Variants in SPINK5 observed in about 807,000 individuals in gnomAD.
SPINK5 encodes serine protease inhibitor Kazal-type 5.
In SPINK5, 125 loss-of-function variants were observed where a neutral mutation model predicts 151.8. That is an observed-to-expected ratio of 0.82 (90% CI 0.71 to 0.96). The LOEUF (loss-of-function observed/expected upper bound fraction) is 0.96. SPINK5 is among the 40% of genes least tolerant of loss of function. The pLI, the probability that SPINK5 is intolerant of heterozygous loss-of-function variation, is 0.00. For missense variants in SPINK5, 1,194 were observed against 1,291.9 expected, an observed-to-expected ratio of 0.92 and a Z score of 1.16; for synonymous variants, 374 against 395.3, an observed-to-expected ratio of 0.95 and a Z score of 0.64.
Position 148,101,828 on chromosome 5 carries a change from T to C in SPINK5, c.1350T>C (p.Phe450=), listed in dbSNP as rs1753653759. The change falls in exon 15 of 33, where the codon TTT becomes TTC. Residue 450 remains phenylalanine (F), a synonymous_variant. Coordinates refer to ENST00000256084, the MANE Select transcript of SPINK5 (RefSeq NM_006846.4). ...AATCCAGGAAAAACGGACGGCTTTT[T>C]TGCACCAGAGAGAATGACCCCATCC... ...YRKSRKNGRL[F]CTRENDPIQG... 2 of 1,613,830 alleles carry C rather than the reference T, an allele frequency of 1.2e-6. No homozygotes were observed. Among genetic ancestry groups the C allele is most frequent in the Non-Finnish European group, 1.7e-6 (2 of 1,179,800 alleles).
At chr5:148,091,769 T>TAA (rs10680228) in intron 8 of SPINK5, among the ~76,000 whole-genome samples, 1,996 of 146,092 alleles carry the variant, frequency 0.014, 41 homozygotes, top group African/African-American at 0.044. Flanking sequence ...GATTCTGCTT[T>TAA]AAAAAAAAAA....
chr5:148,125,567 T>G, intron 28 of SPINK5, 156 bp from the exon 29 acceptor site: 1 of 1,613,954 alleles, frequency 6.2e-7, no homozygotes, highest in Non-Finnish European at 8.5e-7. Flanking sequence ...GATGCAAAAT[T>G]TAGACAACCT....
chr5:148,069,920 A>G (rs1260945240), intron 2 of SPINK5, among the ~76,000 whole-genome samples: 1 of 152,088 alleles, frequency 6.6e-6, no homozygotes, highest in Non-Finnish European at 1.5e-5. Flanking sequence ...GCCATGGGGA[A>G]ATGTAGGCAG....
At chr5:148,120,414 A>G in intron 26 of SPINK5, 23 bp downstream of exon 26, 2 of 1,575,680 alleles carry the variant, frequency 1.3e-6, no homozygotes, top group South Asian at 2.3e-5. Flanking sequence ...AGACACGCTA[A>G]TACCTGAATT....
chr5:148,121,014 G>A (rs113146113), intron 26 of SPINK5, among the ~76,000 whole-genome samples: 2,187 of 151,376 alleles, frequency 0.014, 61 homozygotes, highest in African/African-American at 0.05. Context: ...GCACGATGGC[G>A]GGCGCCTATA....
At position 148,125,719 on chromosome 5, in the gene SPINK5, C is replaced by G; in HGVS notation, c.2740-4C>G. 1.2e-6 allele frequency: 2 copies of G among 1,614,192 alleles called. No individual in the cohort carries two copies. Among genetic ancestry groups the G allele is most frequent in the East Asian group, 2.2e-5 (1 of 44,884 alleles). On this transcript the variant is annotated splice_polypyrimidine_tract_variant and splice_region_variant and intron_variant, in intron 28 of 32. Transcript: ENST00000256084. ...ATGTTCACTTTCCCTTTCTCATTTT[C>G]TAGGATGAGTGCAGTGAATTTCGAA... is the stretch of plus-strand genomic sequence containing the variant.
intron 4 of SPINK5, among the ~76,000 whole-genome samples, chr5:148,079,968 T>G (rs1177129137): frequency 1.3e-5 from 2 of 151,016 alleles, no homozygotes; most frequent in East Asian, 1.9e-4. Context: ...ATGAAGCAAC[T>G]GTCTTTAATT....
chr5:148,103,962 A>G (rs1205574823), intron 15 of SPINK5, among the ~76,000 whole-genome samples: 3 of 152,186 alleles, frequency 2.0e-5, no homozygotes, highest in Admixed American at 1.3e-4. Flanking sequence ...AATTTGCAAC[A>G]CTGTTAGTTA....
Position 148,116,448 on chromosome 5 carries a change from T to TGG in SPINK5, c.2095_2096dup (p.Gly700GlufsTer16). ...CTGCAGGACATGGTTCCAGTGGTGGTGGAGGAGGAAACACTCAGGTGAGAG... is the reference window on the plus strand; with the variant it reads ...CTGCAGGACATGGTTCCAGTGGTGGTGGGGAGGAGGAAACACTCAGGTGAGAG... On this transcript the variant is annotated frameshift_variant, in exon 22 of 33. Coordinates refer to ENST00000256084, the MANE Select transcript of SPINK5 (RefSeq NM_006846.4). LOFTEE classifies it high-confidence loss of function. 6.2e-7 allele frequency: 1 copy of TGG among 1,613,668 alleles called. No individual in the cohort carries two copies. The highest frequency in any genetic ancestry group is 8.5e-7 in the Non-Finnish European group (1 of 1,179,964).
At chr5:148,111,734 G>C in intron 18 of SPINK5, 34 bp from the exon 19 acceptor site, 1 of 1,613,630 alleles carries the variant, frequency 6.2e-7, no homozygotes, top group Non-Finnish European at 8.5e-7. Context: ...TTAGTTATTG[G>C]ACTCTTAAAA....
chr5:148,111,034 T>G (rs1248979313), intron 18 of SPINK5, among the ~76,000 whole-genome samples: 1 of 152,042 alleles, frequency 6.6e-6, no homozygotes, highest in Non-Finnish European at 1.5e-5. Flanking sequence ...ACTTCTTATC[T>G]TATTTCATAG....
Position 148,094,249 on chromosome 5 carries a change from C to T in SPINK5, c.667-105C>T, listed in dbSNP as rs1753392890. On this transcript the variant is annotated intron_variant, in intron 8 of 32. Transcript: ENST00000256084. Reference sequence around the variant, plus strand: ...GTTAGAGGCTTCACTGAGCTATGATCATTCCCCTGCAATCCACCCTGCGCA... The same window carrying T: ...GTTAGAGGCTTCACTGAGCTATGATTATTCCCCTGCAATCCACCCTGCGCA... The T allele has an allele frequency of 2.3e-6, 3 of 1,278,020 alleles. No homozygotes were observed. In the East Asian group the frequency reaches 7.5e-5, roughly 32 times the overall value. The allele number at this position is 1,278,020 out of a possible 1,614,324, so 79.2% of individuals were successfully genotyped here.
At chr5:148,125,032 G>A (rs964243579) in intron 28 of SPINK5, 195 bp downstream of exon 28, 5 of 773,868 alleles carry the variant, frequency 6.5e-6, no homozygotes, top group Non-Finnish European at 9.1e-6. Flanking sequence ...TGATTTTGTA[G>A]AAAATTCTCT....
At chr5:148,124,997 G>T in intron 28 of SPINK5, 160 bp downstream of exon 28, 3 of 1,063,418 alleles carry the variant, frequency 2.8e-6, no homozygotes, top group East Asian at 6.9e-5. Context: ...AGATTTTTGG[G>T]GGTTTGGGGG....
At chr5:148,117,330 A>C (rs1754121200) in intron 22 of SPINK5, among the ~76,000 whole-genome samples, 1 of 152,112 alleles carries the variant, frequency 6.6e-6, no homozygotes. Context: ...ACTTGGTCAA[A>C]CCTACCTTCC....
At chr5:148,083,848 C>T (rs1009214459) in intron 4 of SPINK5, among the ~76,000 whole-genome samples, 1 of 151,054 alleles carries the variant, frequency 6.6e-6, no homozygotes, top group Admixed American at 6.6e-5. Flanking sequence ...AAAATTGTTT[C>T]TTATTTCCAT....
At chr5:148,099,935 C>T (rs973772764) in intron 12 of SPINK5, among the ~76,000 whole-genome samples, 3 of 152,092 alleles carry the variant, frequency 2.0e-5, no homozygotes, top group African/African-American at 7.2e-5. Context: ...ATCCTGTTAT[C>T]TCTCCTCTTA....
intron 29 of SPINK5, among the ~76,000 whole-genome samples, chr5:148,126,259 T>C (rs1435269883): frequency 6.6e-6 from 1 of 152,170 alleles, no homozygotes; most frequent in Non-Finnish European, 1.5e-5. Context: ...AAAGAGTTTC[T>C]AGGTTATTCT....
chr5:148,108,637 T>A, intron 17 of SPINK5, 116 bp from the exon 18 acceptor site: 6 of 1,451,406 alleles, frequency 4.1e-6, no homozygotes, highest in Non-Finnish European at 5.7e-6. Context: ...CTAGATAAAT[T>A]TGTATTGAAG....
Sources: allele counts gnomAD v4.1 joint callset (sites outside exome capture counted in the v4.1 genomes callset), GRCh38; gene constraint gnomAD v4.1.1; transcripts MANE v1.5; gene names NCBI Gene and HGNC (gene_info 2026-07-23, HGNC 2026-07-21).